Variants in LRP1B observed in about 807,000 individuals in gnomAD.
LRP1B encodes the protein LDL receptor related protein 1B, also known as low-density lipoprotein receptor-related protein 1B.
LRP1B carries 217 observed loss-of-function variants against 556.6 expected under a neutral mutation model. That is an observed-to-expected ratio of 0.39 (90% CI 0.35 to 0.44). The LOEUF is 0.44. LRP1B is among the 20% of genes least tolerant of loss of function. LRP1B has a pLI of 1.00. For synonymous variants in LRP1B, 2,047 were observed against 1,865.8 expected (o/e 1.10, Z -2.50); for missense variants, 5,053 against 5,620.8 (o/e 0.90, Z 3.23).
intron 43 of LRP1B, among the ~76,000 whole-genome samples, chr2:140,580,086 A>T (rs749903970): frequency 3.3e-5 from 5 of 152,166 alleles, no homozygotes; most frequent in Non-Finnish European, 5.9e-5. Context: ...GATGTGGGAA[A>T]CTAATGGTCT....
intron 3 of LRP1B, among the ~76,000 whole-genome samples, chr2:141,366,205 T>C (rs933244502): frequency 6.6e-6 from 1 of 152,206 alleles, no homozygotes; most frequent in Non-Finnish European, 1.5e-5. Flanking sequence ...TGGTTAGAGA[T>C]ACAGAAATAA....
chr2:142,120,375 G>A (rs1448404248), intron 1 of LRP1B, among the ~76,000 whole-genome samples: 1 of 152,224 alleles, frequency 6.6e-6, no homozygotes, highest in African/African-American at 2.4e-5. Context: ...GACTCCCAAA[G>A]TGCTGGGATT....
intron 2 of LRP1B, among the ~76,000 whole-genome samples, chr2:141,619,734 G>C (rs1186423441): frequency 1.3e-5 from 2 of 152,222 alleles, no homozygotes; most frequent in African/African-American, 4.8e-5. Context: ...AAGATTAGAG[G>C]ATAGATGATT....
At chr2:141,886,335 A>G (rs188226405) in intron 1 of LRP1B, among the ~76,000 whole-genome samples, 1 of 152,302 alleles carries the variant, frequency 6.6e-6, no homozygotes, top group Admixed American at 6.5e-5. Flanking sequence ...CGGCCTACAA[A>G]ATGTTTACAC....
intron 32 of LRP1B, among the ~76,000 whole-genome samples, chr2:140,795,764 T>A (rs1336379477): frequency 6.6e-6 from 1 of 152,246 alleles, no homozygotes; most frequent in East Asian, 1.9e-4. Flanking sequence ...AAGTTCAGTT[T>A]AAGACAATTA....
At chr2:141,883,694 A>C (rs913929639) in intron 1 of LRP1B, among the ~76,000 whole-genome samples, 8 of 152,144 alleles carry the variant, frequency 5.3e-5, no homozygotes, top group African/African-American at 1.9e-4. Context: ...GCTGCACTTT[A>C]GCTTGGGTGA....
chr2:141,165,569 A>G (rs368077932), intron 7 of LRP1B, among the ~76,000 whole-genome samples: 2 of 151,972 alleles, frequency 1.3e-5, no homozygotes, highest in East Asian at 1.9e-4. Context: ...TTCACTTATT[A>G]TTCTGCTCAT....
intron 41 of LRP1B, among the ~76,000 whole-genome samples, chr2:140,603,618 T>C (rs1682757112): frequency 6.6e-6 from 1 of 152,252 alleles, no homozygotes; most frequent in Non-Finnish European, 1.5e-5. Context: ...AAACACTTCG[T>C]ATCACCATTG....
chr2:140,531,399 C>A (rs1574047398), intron 47 of LRP1B, among the ~76,000 whole-genome samples: 2 of 152,058 alleles, frequency 1.3e-5, no homozygotes, highest in African/African-American at 2.4e-5. Context: ...CTATATTTGA[C>A]TTTTTAAAAT....
rs752372741 is a variant in LRP1B, at chr2:140,864,313, GAATA to G, written c.4579+3273_4579+3276del. On this transcript the variant is annotated intron_variant, in intron 27 of 90. Transcript: ENST00000389484. ...AAGACAGAGTTAGGAAATGATTAAT[GAATA>G]AATAAATAAATAACCATACAAGCTT... 2.0e-5 allele frequency among the ~76,000 whole-genome samples: 3 copies of G among 151,980 alleles called. No individual in the cohort carries two copies. In the South Asian group the frequency reaches 6.2e-4, roughly 32 times the overall value.
At chr2:141,951,852 GCTT>G (rs1211630976) in intron 1 of LRP1B, among the ~76,000 whole-genome samples, 2 of 151,768 alleles carry the variant, frequency 1.3e-5, no homozygotes, top group Non-Finnish European at 2.9e-5. Flanking sequence ...TTTTTAATTT[GCTT>G]TTTTTAAATT....
At chr2:140,986,552 G>A (rs1696932720) in intron 17 of LRP1B, among the ~76,000 whole-genome samples, 1 of 152,082 alleles carries the variant, frequency 6.6e-6, no homozygotes, top group South Asian at 2.1e-4. Flanking sequence ...TGAATGGCTG[G>A]AACTGTCACT....
intron 9 of LRP1B, 78 bp downstream of exon 9, chr2:141,058,805 A>T: frequency 8.0e-7 from 1 of 1,255,856 alleles, no homozygotes; most frequent in East Asian, 2.6e-5. Context: ...ACTCACTTCA[A>T]CACCATACAA....
chr2:140,385,236 C>T (rs1287154459), intron 67 of LRP1B, among the ~76,000 whole-genome samples: 1 of 151,966 alleles, frequency 6.6e-6, no homozygotes, highest in South Asian at 2.1e-4. Context: ...CAGGGTGAGA[C>T]CCTCTCTCAA....
intron 66 of LRP1B, among the ~76,000 whole-genome samples, chr2:140,415,098 G>C (rs901200167): frequency 6.6e-6 from 1 of 152,150 alleles, no homozygotes. Context: ...AGTACCCTCA[G>C]GCTTACTAGG....
At chr2:141,892,514 G>A (rs1015172560) in intron 1 of LRP1B, among the ~76,000 whole-genome samples, 2 of 151,884 alleles carry the variant, frequency 1.3e-5, no homozygotes, top group African/African-American at 4.8e-5. Flanking sequence ...AAGCTTCTAT[G>A]TCTAATCCCT....
intron 6 of LRP1B, among the ~76,000 whole-genome samples, chr2:141,219,622 C>A (rs149911604): frequency 3.0e-3 from 464 of 152,280 alleles, no homozygotes; most frequent in Non-Finnish European, 5.7e-3. Context: ...TCACATGCCT[C>A]CTGACTGTTT....
At chr2:140,635,374 G>T (rs925917926) in intron 41 of LRP1B, among the ~76,000 whole-genome samples, 6 of 151,996 alleles carry the variant, frequency 3.9e-5, no homozygotes, top group African/African-American at 1.4e-4. Flanking sequence ...AAGGAAGAGA[G>T]AAATTGGTAA....
chr2:141,581,180 T>C (rs1159430069), intron 2 of LRP1B, among the ~76,000 whole-genome samples: 1 of 152,140 alleles, frequency 6.6e-6, no homozygotes, highest in Non-Finnish European at 1.5e-5. Context: ...TTTTCTTCTC[T>C]CCACTAAAAC....
Sources: gnomAD v4.1 joint callset for allele counts (sites outside exome capture counted in the v4.1 genomes callset) on GRCh38, gnomAD v4.1.1 for gene constraint, MANE v1.5 for transcripts, NCBI Gene and HGNC (gene_info 2026-07-23, HGNC 2026-07-21) for gene names.